HPCAL1: variants seen among roughly 807,000 people sequenced by gnomAD.
The protein encoded by HPCAL1 is hippocalcin-like protein 1.
In HPCAL1, 8 loss-of-function variants were observed where a neutral mutation model predicts 17.1. That is an observed-to-expected ratio of 0.47 (90% CI 0.27 to 0.84). HPCAL1 has a LOEUF of 0.84. HPCAL1 is among the 40% of genes least tolerant of loss of function. HPCAL1 has a pLI of 0.13. For missense variants in HPCAL1, 165 were observed against 271.1 expected, an observed-to-expected ratio of 0.61 and a Z score of 2.75; for synonymous variants, 112 against 111.4, an observed-to-expected ratio of 1.01 and a Z score of -0.03.
At chr2:10,335,446 G>A (rs1158949739) in intron 1 of HPCAL1, among the ~76,000 whole-genome samples, 5 of 152,134 alleles carry the variant, frequency 3.3e-5, no homozygotes, top group South Asian at 4.2e-4. Flanking sequence ...CTGAGCCTTC[G>A]GATGAGACTG....
chr2:10,407,899 G>C (rs925527702), intron 2 of HPCAL1, among the ~76,000 whole-genome samples: 4 of 152,240 alleles, frequency 2.6e-5, no homozygotes, highest in African/African-American at 4.8e-5. Context: ...GTTCATACTA[G>C]AAAAACGCTG....
chr2:10,399,854 T>G (rs2125587965), intron 2 of HPCAL1, among the ~76,000 whole-genome samples: 1 of 152,248 alleles, frequency 6.6e-6, no homozygotes. Context: ...GTTCCTTCCC[T>G]TGAGGTGGGT....
Position 10,395,836 on chromosome 2 carries a change from C to T in HPCAL1, c.-110-999C>T, listed in dbSNP as rs1668991188. Among the ~76,000 whole-genome samples, 1 of 152,154 alleles carries T rather than the reference C, an allele frequency of 6.6e-6. No individual in the cohort carries two copies. The highest frequency in any genetic ancestry group is 2.4e-5 in the African/African-American group (1 of 41,400). On this transcript the variant is annotated intron_variant, in intron 1 of 4. Coordinates refer to ENST00000307845, the MANE Select transcript of HPCAL1 (RefSeq NM_002149.4). This position sits in a 1 kb window ranked among gnomAD's most constrained non-coding sequence, Gnocchi z 4.4. ...TGATGATTGTGCCTGCCTCCCAGGGCTGCTGTGTGGATTACGTTGGATAAT... is the reference window on the plus strand; with the variant it reads ...TGATGATTGTGCCTGCCTCCCAGGGTTGCTGTGTGGATTACGTTGGATAAT...
At chr2:10,399,262 TCACCACCACCAC>T (rs1558517643) in intron 2 of HPCAL1, among the ~76,000 whole-genome samples, 1 of 14,284 alleles carries the variant, frequency 7.0e-5, no homozygotes, top group Non-Finnish European at 1.4e-4. Context: ...ACCACCACCA[TCACCACCACCAC>T]CACCATCACC....
At position 10,419,783 on chromosome 2, in the gene HPCAL1, G is replaced by A; in HGVS notation, c.26G>A (p.Arg9Gln). 6.2e-7 allele frequency: 1 copy of A among 1,612,558 alleles called. No homozygotes were observed. The highest frequency in any genetic ancestry group is 8.5e-7 in the Non-Finnish European group (1 of 1,179,308). The change falls in exon 3 of 5, where the codon CGG becomes CAG. Residue 9 changes from arginine to glutamine, a missense_variant. Coordinates refer to ENST00000307845, the MANE Select transcript of HPCAL1 (RefSeq NM_002149.4). The surrounding 1 kb of genome is among the most constrained non-coding windows in gnomAD (Gnocchi z 5.0). Reference protein sequence around the residue: MGKQNSKLRPEVLQDLREN... With the variant: MGKQNSKLQPEVLQDLREN... Reference sequence around the variant, plus strand: ...ATGGGCAAACAGAACAGCAAGCTGCGGCCCGAGGTGCTGCAGGACCTGCGG... The same window carrying A: ...ATGGGCAAACAGAACAGCAAGCTGCAGCCCGAGGTGCTGCAGGACCTGCGG...
chr2:10,343,243 G>A lies in HPCAL1; in HGVS notation c.-111+40066G>A, dbSNP rs375429068. Reference sequence around the variant, plus strand: ...GACCTCTAGCACACCATGGAGGCCTGCCCCGTCCCCATAAAACACACCACA... The same window carrying A: ...GACCTCTAGCACACCATGGAGGCCTACCCCGTCCCCATAAAACACACCACA... On this transcript the variant is annotated intron_variant, in intron 1 of 4. Coordinates refer to ENST00000307845, the MANE Select transcript of HPCAL1 (RefSeq NM_002149.4). The surrounding 1 kb of genome is among the most constrained non-coding windows in gnomAD (Gnocchi z 4.8). 5.5e-4 allele frequency among the ~76,000 whole-genome samples: 84 copies of A among 152,246 alleles called. 1 individual carries two copies. Among genetic ancestry groups the A allele is most frequent in the African/African-American group, 1.3e-3 (56 of 41,538 alleles).
In HPCAL1 at chr2:10,365,233, C is replaced by T. The variant is rs940533280; in HGVS notation, c.-110-31602C>T. ...GGCCTCCGACCCTGACCTTGCTCCT[C>T]TTGGATGGTATTGGGTGGCATTCCA... On this transcript the variant is annotated intron_variant, in intron 1 of 4. Transcript: ENST00000307845. This position sits in a 1 kb window ranked among gnomAD's most constrained non-coding sequence, Gnocchi z 4.8. Among the ~76,000 whole-genome samples the T allele has an allele frequency of 4.1e-4, 63 of 152,326 alleles. No homozygotes were observed. The highest frequency in any genetic ancestry group is 3.4e-3 in the Middle Eastern group (1 of 294).
chr2:10,356,745 G>A (rs900923941), intron 1 of HPCAL1, among the ~76,000 whole-genome samples: 7 of 152,016 alleles, frequency 4.6e-5, no homozygotes, highest in East Asian at 1.9e-4. Flanking sequence ...GTGGGCTCCC[G>A]GGCCCAGCCA....
intron 1 of HPCAL1, among the ~76,000 whole-genome samples, chr2:10,391,265 T>C (rs1286050534): frequency 6.6e-6 from 1 of 152,122 alleles, no homozygotes; most frequent in East Asian, 1.9e-4. Context: ...TACCCATCCA[T>C]CCCTTCCCCT....
In HPCAL1 at chr2:10,330,478, CT is replaced by C. The variant is rs34093850; in HGVS notation, c.-111+27311del. ...CTGGGTGCCTTAAACAACAGGAATT[CT>C]TTTTTTTTTACAGTATTGGAGGCTG... On this transcript the variant is annotated intron_variant, in intron 1 of 4. Transcript: ENST00000307845. This position sits in a 1 kb window ranked among gnomAD's most constrained non-coding sequence, Gnocchi z 4.2. 1.0e-4 allele frequency among the ~76,000 whole-genome samples: 15 copies of C among 149,606 alleles called. No individual in the cohort carries two copies. The highest frequency in any genetic ancestry group is 7.8e-4 in the East Asian group (4 of 5,116).
chr2:10,362,567 G>A lies in HPCAL1; in HGVS notation c.-110-34268G>A, dbSNP rs1168727777. Among the ~76,000 whole-genome samples the A allele has an allele frequency of 6.6e-6, 1 of 152,192 alleles. No homozygotes were observed. Among genetic ancestry groups the A allele is most frequent in the Non-Finnish European group, 1.5e-5 (1 of 68,038 alleles). ...GCTGGGCGATGGGGAAGGCCTCCAC[G>A]GTGTTCTGTTGTAATGTTCTGCCAC... On this transcript the variant is annotated intron_variant, in intron 1 of 4. Coordinates refer to ENST00000307845, the MANE Select transcript of HPCAL1 (RefSeq NM_002149.4). This position sits in a 1 kb window ranked among gnomAD's most constrained non-coding sequence, Gnocchi z 5.0.
rs574863468 is a variant in HPCAL1, at chr2:10,312,124, C to A, written c.-111+8947C>A. ...ATCACCATCATCACTATCATCCTCA[C>A]CATCATCACCATTCTCCATCACCAT... On this transcript the variant is annotated intron_variant, in intron 1 of 4. Transcript: ENST00000307845. 8.0e-5 allele frequency among the ~76,000 whole-genome samples: 12 copies of A among 149,968 alleles called. No homozygotes were observed. The South Asian group carries it at 2.2e-3, about 27-fold the overall frequency.
intron 1 of HPCAL1, among the ~76,000 whole-genome samples, chr2:10,325,011 T>G (rs1663919089): frequency 6.6e-6 from 1 of 151,420 alleles, no homozygotes; most frequent in African/African-American, 2.4e-5. Context: ...TTTTGTATTT[T>G]TAGTAGAGAC....
chr2:10,339,619 G>T (rs573668514), intron 1 of HPCAL1, among the ~76,000 whole-genome samples: 16 of 152,336 alleles, frequency 1.1e-4, no homozygotes, highest in African/African-American at 3.8e-4. Context: ...AAAGTGTTGG[G>T]ATTACAGGCG....
intron 1 of HPCAL1, among the ~76,000 whole-genome samples, chr2:10,320,980 C>T (rs994760166): frequency 1.3e-5 from 2 of 152,074 alleles, no homozygotes; most frequent in East Asian, 1.9e-4. Context: ...GATGGAAGAG[C>T]GTGAGTGTAT....
rs1378777519 is a variant in HPCAL1, at chr2:10,384,471, T to C, written c.-110-12364T>C. On this transcript the variant is annotated intron_variant, in intron 1 of 4. Coordinates refer to ENST00000307845, the MANE Select transcript of HPCAL1 (RefSeq NM_002149.4). This position sits in a 1 kb window ranked among gnomAD's most constrained non-coding sequence, Gnocchi z 4.4. ...CACTACTGCCCTCCACAAACTGCCA[T>C]GCTTGCTTGGTGCACGGTGCTGTGC... 6.6e-6 allele frequency among the ~76,000 whole-genome samples: 1 copy of C among 152,182 alleles called. No homozygotes were observed. The highest frequency in any genetic ancestry group is 2.4e-5 in the African/African-American group (1 of 41,454).
chr2:10,387,754 C>T (rs1168352637), intron 1 of HPCAL1, among the ~76,000 whole-genome samples: 1 of 152,182 alleles, frequency 6.6e-6, no homozygotes, highest in Admixed American at 6.5e-5. Context: ...GCATCTCTGC[C>T]CAGCAGATGA....
chr2:10,336,406 T>C (rs6745569), intron 1 of HPCAL1, among the ~76,000 whole-genome samples: 30,872 of 152,232 alleles, frequency 0.2, 3,875 homozygotes, highest in African/African-American at 0.35. Flanking sequence ...TGTTCTTCTA[T>C]GCCAATGTAT....
At chr2:10,376,116 C>T (rs1232134257) in intron 1 of HPCAL1, among the ~76,000 whole-genome samples, 2 of 152,160 alleles carry the variant, frequency 1.3e-5, no homozygotes, top group African/African-American at 4.8e-5. Flanking sequence ...ATTGGCTCCC[C>T]ATCGCCTCCC....
Sources: allele counts gnomAD v4.1 joint callset (sites outside exome capture counted in the v4.1 genomes callset), GRCh38; gene constraint gnomAD v4.1.1; non-coding constraint Gnocchi (gnomAD v3.1); transcripts MANE v1.5; gene names NCBI Gene and HGNC (gene_info 2026-07-23, HGNC 2026-07-21).